NLGN1: variants seen among roughly 807,000 people sequenced by gnomAD.
The protein encoded by NLGN1 is neuroligin-1.
In NLGN1, 12 loss-of-function variants were observed where a neutral mutation model predicts 65.5. The ratio of observed to expected loss-of-function variants is 0.18; its 90% CI spans 0.12 to 0.30. The LOEUF (loss-of-function observed/expected upper bound fraction) is 0.30. Ranked by LOEUF, NLGN1 falls within the 10% of genes least tolerant of loss-of-function variation. NLGN1 has a pLI of 1.00. For missense variants in NLGN1, 750 were observed against 1,007.1 expected (o/e 0.74, Z 3.46); for synonymous variants, 350 against 359.5 (o/e 0.97, Z 0.30).
At chr3:174,017,210 A>C (rs563924782) in intron 4 of NLGN1, among the ~76,000 whole-genome samples, 11 of 152,254 alleles carry the variant, frequency 7.2e-5, no homozygotes, top group African/African-American at 2.6e-4. Flanking sequence ...CAGTTGACAT[A>C]ATATTTAGCT....
intron 4 of NLGN1, among the ~76,000 whole-genome samples, chr3:174,031,065 T>C (rs1729933395): frequency 6.6e-6 from 1 of 152,296 alleles, no homozygotes; most frequent in South Asian, 2.1e-4. Context: ...ACATTCGTTT[T>C]GCTTTCAGTG....
At chr3:174,181,438 G>A (rs562980568) in intron 4 of NLGN1, among the ~76,000 whole-genome samples, 3 of 152,184 alleles carry the variant, frequency 2.0e-5, no homozygotes, top group South Asian at 2.1e-4. Flanking sequence ...AGAGCCCATC[G>A]CTGTTACCTC....
chr3:173,793,278 G>C (rs1032083881), intron 3 of NLGN1, among the ~76,000 whole-genome samples: 4 of 152,106 alleles, frequency 2.6e-5, no homozygotes, highest in Non-Finnish European at 4.4e-5. Flanking sequence ...ACAGTAGAGA[G>C]TATTTAATGA....
At chr3:174,002,667 T>G (rs948652541) in intron 4 of NLGN1, among the ~76,000 whole-genome samples, 1 of 152,172 alleles carries the variant, frequency 6.6e-6, no homozygotes, top group African/African-American at 2.4e-5. Context: ...TCTTGGAAAC[T>G]GACAAATGTT....
chr3:173,918,732 G>A (rs950311927), intron 4 of NLGN1, among the ~76,000 whole-genome samples: 4 of 145,158 alleles, frequency 2.8e-5, no homozygotes, highest in African/African-American at 1.0e-4. Flanking sequence ...GAATGGTAAC[G>A]TCTTCTAGTC....
Position 174,273,167 on chromosome 3 carries a change from G to GAGTA in NLGN1, c.647-2144_647-2141dup, listed in dbSNP as rs1259791833. Reference sequence around the variant, plus strand: ...ACACATTGAATGATGATTATTTTATGAGTAAGTGAATTCTGTATGGATGTA... The same window carrying GAGTA: ...ACACATTGAATGATGATTATTTTATGAGTAAGTAAGTGAATTCTGTATGGATGTA... On this transcript the variant is annotated intron_variant, in intron 4 of 6. Transcript: ENST00000457714. Among the ~76,000 whole-genome samples, 49 of 151,756 alleles carry GAGTA rather than the reference G, an allele frequency of 3.2e-4. 1 individual carries two copies. The highest frequency in any genetic ancestry group is 8.9e-5 in the Non-Finnish European group (6 of 67,726).
intron 4 of NLGN1, among the ~76,000 whole-genome samples, chr3:173,990,080 A>G (rs1292639921): frequency 1.3e-5 from 2 of 152,220 alleles, no homozygotes; most frequent in Non-Finnish European, 2.9e-5. Context: ...CTTAGTAAGC[A>G]AGAAGTGGGA....
intron 4 of NLGN1, among the ~76,000 whole-genome samples, chr3:174,256,385 C>A (rs1255908129): frequency 6.6e-6 from 1 of 152,178 alleles, no homozygotes; most frequent in Non-Finnish European, 1.5e-5. Flanking sequence ...AAGCTGATTC[C>A]TTGCCCTGCT....
At chr3:173,716,453 G>C (rs906300873) in intron 3 of NLGN1, among the ~76,000 whole-genome samples, 5 of 151,972 alleles carry the variant, frequency 3.3e-5, no homozygotes, top group Admixed American at 1.3e-4. Flanking sequence ...CCCTTTTATA[G>C]CAGACTAAGT....
chr3:174,280,717 T>C lies in NLGN1; in HGVS notation c.1886T>C (p.Val629Ala). Residue 629 changes from valine (V) to alanine (A), a missense_variant, in exon 7 of 7, where the codon GTG becomes GCG. Coordinates refer to ENST00000457714, the Ensembl canonical transcript of NLGN1. This position sits in a 1 kb window ranked among gnomAD's most constrained non-coding sequence, Gnocchi z 4.9. ...CAGTATACCTCTACAACAACTAAAG[T>C]GCCATCAACTGACATCACTTTCAGA... is the stretch of plus-strand genomic sequence containing the variant. 1 of 1,613,344 alleles carries C rather than the reference T, an allele frequency of 6.2e-7. No homozygotes were observed. The highest frequency in any genetic ancestry group is 8.5e-7 in the Non-Finnish European group (1 of 1,179,562).
At chr3:173,514,649 C>G (rs1409222205) in intron 2 of NLGN1, among the ~76,000 whole-genome samples, 1 of 152,142 alleles carries the variant, frequency 6.6e-6, no homozygotes, top group African/African-American at 2.4e-5. Flanking sequence ...GCCCATTGAT[C>G]AGCAACTTCT....
intron 2 of NLGN1, among the ~76,000 whole-genome samples, chr3:173,528,717 G>A (rs1230912029): frequency 6.6e-6 from 1 of 152,022 alleles, no homozygotes; most frequent in Non-Finnish European, 1.5e-5. Context: ...GATTTCTTCT[G>A]CTTGGTCTAG....
chr3:173,654,181 A>G (rs1174294834), intron 3 of NLGN1, among the ~76,000 whole-genome samples: 1 of 152,052 alleles, frequency 6.6e-6, no homozygotes, highest in Admixed American at 6.6e-5. Flanking sequence ...TTAAAACTGG[A>G]TGGATAATTT....
intron 2 of NLGN1, among the ~76,000 whole-genome samples, chr3:173,523,718 G>T (rs2149147066): frequency 6.6e-6 from 1 of 151,506 alleles, no homozygotes; most frequent in East Asian, 1.9e-4. Context: ...TTATTGTTTA[G>T]TATTGCTTTA....
At chr3:174,150,211 A>G (rs1375858391) in intron 4 of NLGN1, among the ~76,000 whole-genome samples, 1 of 152,124 alleles carries the variant, frequency 6.6e-6, no homozygotes, top group Non-Finnish European at 1.5e-5. Flanking sequence ...CATAGTGGGC[A>G]TTATTAATAT....
intron 3 of NLGN1, among the ~76,000 whole-genome samples, chr3:173,667,103 A>G: frequency 6.6e-6 from 1 of 152,328 alleles, no homozygotes; most frequent in Admixed American, 6.5e-5. Context: ...TATGCCAATA[A>G]TTCTAAAGAA....
At chr3:173,665,508 A>G (rs1048217788) in intron 3 of NLGN1, among the ~76,000 whole-genome samples, 1 of 152,152 alleles carries the variant, frequency 6.6e-6, no homozygotes, top group Admixed American at 6.6e-5. Flanking sequence ...CCATTTAGAC[A>G]TTTTGAAGAT....
At chr3:173,707,587 C>T (rs73880549) in intron 3 of NLGN1, among the ~76,000 whole-genome samples, 8,765 of 152,118 alleles carry the variant, frequency 0.058, 360 homozygotes, top group East Asian at 0.13. Flanking sequence ...TGTCTCCCAA[C>T]GTGTACCCAA....
chr3:173,800,919 G>A (rs1435340347), intron 3 of NLGN1, among the ~76,000 whole-genome samples: 1 of 151,832 alleles, frequency 6.6e-6, no homozygotes, highest in Non-Finnish European at 1.5e-5. Flanking sequence ...CAATTAAATT[G>A]TATACATAAG....
Sources: gnomAD v4.1 joint callset for allele counts (sites outside exome capture counted in the v4.1 genomes callset) on GRCh38, gnomAD v4.1.1 for gene constraint, Gnocchi (gnomAD v3.1) non-coding constraint, MANE v1.5 for transcripts, NCBI Gene and HGNC (gene_info 2026-07-23, HGNC 2026-07-21) for gene names.